NUTM2B: variants seen among roughly 807,000 people sequenced by gnomAD.
NUTM2B encodes the protein NUT family member 2B.
In NUTM2B, 2 loss-of-function variants were observed where a neutral mutation model predicts 42.4. The ratio of observed to expected loss-of-function variants is 0.05; its 90% CI spans 0.02 to 0.15. NUTM2B has a LOEUF of 0.15. Among genes scored for constraint, NUTM2B ranks in the 10% least tolerant of loss-of-function variants. The pLI is 1.00. For missense variants in NUTM2B, 58 were observed against 952.6 expected, an observed-to-expected ratio of 0.06 and a Z score of 12.36; for synonymous variants, 18 against 402.4, an observed-to-expected ratio of 0.04 and a Z score of 11.43.
At chr10:79,693,219 G>T in the NUTM2B span, among the ~76,000 whole-genome samples, 5 of 152,346 alleles carry the variant, frequency 3.3e-5, no homozygotes, top group South Asian at 1.0e-3. Context: ...CCAGGCTCCT[G>T]CAGTGGGCAT....
chr10:79,700,540 C>A (rs1824902874), upstream of NUTM2B, among the ~76,000 whole-genome samples: 3 of 152,354 alleles, frequency 2.0e-5, no homozygotes, highest in African/African-American at 7.2e-5. Flanking sequence ...TTGAGCACAG[C>A]CACAGGCCTG....
At chr10:79,698,287 G>A (rs1259803563), upstream of NUTM2B, among the ~76,000 whole-genome samples, 22 of 151,864 alleles carry the variant, frequency 1.4e-4, no homozygotes, top group African/African-American at 1.7e-4. Context: ...TAAATCCCCC[G>A]AAACACTATC....
chr10:79,701,241 TTC>T (rs1394285232), upstream of NUTM2B, among the ~76,000 whole-genome samples: 2 of 152,316 alleles, frequency 1.3e-5, no homozygotes, highest in East Asian at 3.9e-4. Flanking sequence ...ATATACTTTC[TTC>T]TGACTCCATT....
chr10:79,696,016 G>A, the NUTM2B span, among the ~76,000 whole-genome samples: 46 of 146,296 alleles, frequency 3.1e-4, no homozygotes, highest in African/African-American at 1.1e-3. Context: ...ACCAGGGAGG[G>A]TCTTTCTCAA....
At chr10:79,695,632 T>G in the NUTM2B span, among the ~76,000 whole-genome samples, 2 of 152,046 alleles carry the variant, frequency 1.3e-5, no homozygotes, top group Admixed American at 6.5e-5. Flanking sequence ...GGCTTTCATC[T>G]CGTGGAACGT....
upstream of NUTM2B, among the ~76,000 whole-genome samples, chr10:79,699,740 G>A (rs1482038487): frequency 5.3e-5 from 8 of 152,088 alleles, no homozygotes; most frequent in Admixed American, 1.3e-4. Context: ...ACCGTGCCCG[G>A]CCCAGTTATG....
the NUTM2B span, among the ~76,000 whole-genome samples, chr10:79,698,069 C>A: frequency 6.6e-6 from 1 of 151,552 alleles, no homozygotes; most frequent in Non-Finnish European, 1.5e-5. Flanking sequence ...ACACAGAGGA[C>A]CACTAAGTCT....
chr10:79,696,253 A>G, the NUTM2B span, among the ~76,000 whole-genome samples: 4 of 151,554 alleles, frequency 2.6e-5, no homozygotes, highest in African/African-American at 9.7e-5. Context: ...TAAGTATCTC[A>G]GCATGACTAA....
chr10:79,702,185 T>C (rs1237854378), upstream of NUTM2B, among the ~76,000 whole-genome samples: 1 of 152,006 alleles, frequency 6.6e-6, no homozygotes, highest in East Asian at 1.9e-4. Context: ...TCTCCGTTGA[T>C]CTTCTCAGCT....
At chr10:79,700,720 G>A (rs370705511), upstream of NUTM2B, among the ~76,000 whole-genome samples, 33 of 152,286 alleles carry the variant, frequency 2.2e-4, no homozygotes, top group South Asian at 4.1e-4. Flanking sequence ...CGTGCTGCGC[G>A]TCTCCCTGCC....
chr10:79,710,991 CG>C (rs1840482295), intron 5 of NUTM2B, among the ~76,000 whole-genome samples: 1 of 132,774 alleles, frequency 7.5e-6, no homozygotes, highest in South Asian at 3.1e-4. Flanking sequence ...GGAGTGTGTA[CG>C]TTACCTGTGT....
At chr10:79,695,633 C>T in the NUTM2B span, among the ~76,000 whole-genome samples, 15 of 152,160 alleles carry the variant, frequency 9.9e-5, no homozygotes, top group Non-Finnish European at 1.8e-4. Context: ...GCTTTCATCT[C>T]GTGGAACGTA....
At chr10:79,693,421 C>A in the NUTM2B span, among the ~76,000 whole-genome samples, 2 of 152,204 alleles carry the variant, frequency 1.3e-5, no homozygotes, top group Non-Finnish European at 2.9e-5. Flanking sequence ...GACAGAGGGG[C>A]CACTCAGCAC....
exon 7 of NUTM2B, chr10:79,712,105 A>G (rs1840510038): frequency 7.2e-7 from 1 of 1,398,186 alleles, no homozygotes; most frequent in Non-Finnish European, 9.5e-7. Context: ...TCAGGGGTCA[A>G]GTGAGGAGGA....
At chr10:79,700,825 G>A (rs562601371), upstream of NUTM2B, among the ~76,000 whole-genome samples, 1 of 152,346 alleles carries the variant, frequency 6.6e-6, no homozygotes, top group African/African-American at 2.4e-5. Context: ...GGCACACGGG[G>A]CAGGCCAGGA....
chr10:79,693,720 A>T, the NUTM2B span, among the ~76,000 whole-genome samples: 1 of 152,180 alleles, frequency 6.6e-6, no homozygotes, highest in Non-Finnish European at 1.5e-5. Flanking sequence ...TTTTTAAGAC[A>T]TATATTATAA....
chr10:79,701,244 T>G (rs1378328922), upstream of NUTM2B, among the ~76,000 whole-genome samples: 1 of 152,216 alleles, frequency 6.6e-6, no homozygotes, highest in African/African-American at 2.4e-5. Flanking sequence ...TACTTTCTTC[T>G]GACTCCATTC....
At chr10:79,699,719 A>G (rs1003068863), upstream of NUTM2B, among the ~76,000 whole-genome samples, 1 of 152,218 alleles carries the variant, frequency 6.6e-6, no homozygotes, top group Non-Finnish European at 1.5e-5. Context: ...CTGGGATTAT[A>G]GGTGTGAGCC....
chr10:79,700,981 ATT>A (rs1840305253), upstream of NUTM2B, among the ~76,000 whole-genome samples: 1 of 152,092 alleles, frequency 6.6e-6, no homozygotes, highest in Non-Finnish European at 1.5e-5. Flanking sequence ...ATCACTCCTA[ATT>A]TTCGGTAATA....
Sources: allele counts gnomAD v4.1 joint callset (sites outside exome capture counted in the v4.1 genomes callset), GRCh38; gene constraint gnomAD v4.1.1; transcripts MANE v1.5; gene names NCBI Gene and HGNC (gene_info 2026-07-23, HGNC 2026-07-21).